The following MID2 variants were observed in gnomAD, a reference collection of about 807,000 sequenced individuals.
MID2 encodes probable E3 ubiquitin-protein ligase MID2.
Under a neutral mutation model 46.1 loss-of-function variants are expected in MID2, and 13 were observed. The observed-to-expected ratio is 0.28, with a 90% CI of 0.18 to 0.45. The LOEUF (loss-of-function observed/expected upper bound fraction) is 0.45, where lower values mean the gene tolerates loss of function less well. MID2 is among the 20% of genes least tolerant of loss of function. The probability of loss-of-function intolerance (pLI) is 1.00; values close to 1 mark genes in which losing one functional copy is unlikely to be tolerated. For synonymous variants in MID2, 199 were observed against 212.3 expected, an observed-to-expected ratio of 0.94 and a Z score of 0.55; for missense variants, 431 against 575.4, an observed-to-expected ratio of 0.75 and a Z score of 2.57.
chrX:107,872,583 C>T (rs1019776361), intron 3 of MID2, among the ~76,000 whole-genome samples: 3 of 112,020 alleles, frequency 2.7e-5, no homozygotes, highest in Non-Finnish European at 3.8e-5. Flanking sequence ...GGCCTTTACT[C>T]GGGTATAGTG....
chrX:107,916,651 A>G (rs544861458), intron 6 of MID2, among the ~76,000 whole-genome samples: 3 of 112,844 alleles, frequency 2.7e-5, no homozygotes, highest in South Asian at 3.6e-4. Context: ...ATTTCATGAA[A>G]AAAATATACA....
intron 2 of MID2, among the ~76,000 whole-genome samples, chrX:107,845,519 A>ACT (rs1462079221): frequency 0.017 from 1,370 of 81,748 alleles, 14 homozygotes; most frequent in Middle Eastern, 0.022. Flanking sequence ...ACACACACAC[A>ACT]CACACACTCT....
intron 3 of MID2, among the ~76,000 whole-genome samples, chrX:107,863,309 T>C (rs1271257666): frequency 8.9e-6 from 1 of 112,100 alleles, no homozygotes; most frequent in Non-Finnish European, 1.9e-5. Context: ...AGGATTAATA[T>C]TGTTTTCCTC....
chrX:107,826,503 G>C (rs1265046999), intron 1 of MID2, 73 bp downstream of exon 1: 1 of 1,080,935 alleles, frequency 9.3e-7, no homozygotes, highest in African/African-American at 1.9e-5. Context: ...CTCCGGCTCC[G>C]GCCGCTTTTC....
intron 5 of MID2, among the ~76,000 whole-genome samples, chrX:107,910,355 T>C (rs1932875227): frequency 8.9e-6 from 1 of 112,307 alleles, no homozygotes; most frequent in African/African-American, 3.2e-5. Flanking sequence ...GGCTGAAAGG[T>C]ATTACATTAT....
intron 1 of MID2, 136 bp from the exon 2 acceptor site, chrX:107,840,534 C>T: frequency 2.1e-6 from 1 of 487,000 alleles, no homozygotes; most frequent in Middle Eastern, 5.9e-4. Flanking sequence ...CTGATTAGTT[C>T]CCAAATTGCT....
chrX:107,859,438 C>G (rs1029538355), intron 3 of MID2, among the ~76,000 whole-genome samples: 1 of 111,634 alleles, frequency 9.0e-6, no homozygotes, highest in Non-Finnish European at 1.9e-5. Context: ...ATTACTCCCT[C>G]TGGAGAGACA....
rs769790067 is a variant in MID2 at position 107,848,658 on chromosome X, G to A, written c.721-5951G>A. Among the ~76,000 whole-genome samples, 106 of 111,546 alleles carry A rather than the reference G, an allele frequency of 9.5e-4. 1 individual carries two copies. Among genetic ancestry groups the A allele is most frequent in the African/African-American group, 3.1e-3 (95 of 30,735 alleles). On this transcript the variant is annotated intron_variant, in intron 2 of 9. Transcript: ENST00000262843. ...TATCACCTTCATCTCATTCTGGGAC[G>A]TAGCCTGTGTCTATACAACAGCAAA...
intron 3 of MID2, among the ~76,000 whole-genome samples, chrX:107,878,228 C>T (rs1932244146): frequency 9.1e-6 from 1 of 110,478 alleles, no homozygotes; most frequent in Non-Finnish European, 1.9e-5. Flanking sequence ...TGCCCTGGGG[C>T]CCTGGCTGCA....
chrX:107,855,499 A>G (rs1234573204), intron 3 of MID2, among the ~76,000 whole-genome samples: 2 of 112,364 alleles, frequency 1.8e-5, no homozygotes, highest in African/African-American at 6.5e-5. Flanking sequence ...GTAAAATATT[A>G]TAGGATTCTT....
At position 107,924,512 on chromosome X, in the gene MID2, G is replaced by C. The variant is rs769359129; in HGVS notation, c.1597+8G>C. The C allele has an allele frequency of 3.5e-5, 42 of 1,208,607 alleles. No individual in the cohort carries two copies. The highest frequency in any genetic ancestry group is 4.5e-5 in the Non-Finnish European group (40 of 893,930). On this transcript the variant is annotated splice_region_variant and intron_variant, in intron 8 of 9. Transcript: ENST00000262843. ...CCCGACTAAAAACAAACAGTACGTT[G>C]TGGTGATTTCAAAAGGAAAGATCAA...
intron 5 of MID2, among the ~76,000 whole-genome samples, chrX:107,907,677 C>G (rs1247844241): frequency 8.9e-6 from 1 of 111,828 alleles, no homozygotes; most frequent in Admixed American, 9.5e-5. Context: ...CAATTATCAC[C>G]TGTCCCTCTC....
intron 2 of MID2, among the ~76,000 whole-genome samples, chrX:107,842,322 T>A (rs1931364859): frequency 8.9e-6 from 1 of 112,565 alleles, no homozygotes; most frequent in South Asian, 3.6e-4. Flanking sequence ...CGAATTGTTT[T>A]ATTCCCATTG....
At chrX:107,849,921 C>G (rs1454442938) in intron 2 of MID2, among the ~76,000 whole-genome samples, 1 of 111,712 alleles carries the variant, frequency 9.0e-6, no homozygotes, top group Non-Finnish European at 1.9e-5. Flanking sequence ...TCATCCTGCC[C>G]CCTGGCTGCC....
chrX:107,890,820 G>A (rs1046225190), intron 3 of MID2, among the ~76,000 whole-genome samples: 18 of 111,399 alleles, frequency 1.6e-4, no homozygotes, highest in African/African-American at 4.9e-4. Flanking sequence ...GGCAATGGTG[G>A]GTGCCCCTCC....
chrX:107,909,399 A>G (rs1209275513), intron 5 of MID2, among the ~76,000 whole-genome samples: 1 of 111,739 alleles, frequency 8.9e-6, no homozygotes, highest in East Asian at 2.8e-4. Context: ...TTTCCCCAGC[A>G]TTATGCAGTT....
chrX:107,925,329 G>A (rs2147876364), intron 8 of MID2, among the ~76,000 whole-genome samples: 1 of 111,849 alleles, frequency 8.9e-6, no homozygotes, highest in Admixed American at 9.5e-5. Context: ...AGGGTAATGT[G>A]TTAGCCAACA....
At chrX:107,882,037 T>A (rs887243247) in intron 3 of MID2, among the ~76,000 whole-genome samples, 3 of 111,708 alleles carry the variant, frequency 2.7e-5, no homozygotes, top group Non-Finnish European at 5.6e-5. Context: ...AACAGAGGCC[T>A]CAGAAATAAC....
At chrX:107,910,415 G>A (rs1412313130) in intron 5 of MID2, among the ~76,000 whole-genome samples, 1 of 111,626 alleles carries the variant, frequency 9.0e-6, no homozygotes, top group Admixed American at 9.4e-5. Flanking sequence ...TAGAAACTTA[G>A]GTAGATACCA....
Sources: gnomAD v4.1 joint callset for allele counts (sites outside exome capture counted in the v4.1 genomes callset) on GRCh38, gnomAD v4.1.1 for gene constraint, MANE v1.5 for transcripts, NCBI Gene and HGNC (gene_info 2026-07-23, HGNC 2026-07-21) for gene names.